Variants in BTBD9 observed in about 807,000 individuals in gnomAD.
BTBD9 encodes BTB/POZ domain-containing protein 9.
BTBD9 carries 49 observed loss-of-function variants against 64.3 expected under a neutral mutation model. The observed-to-expected ratio is 0.76, with a 90% confidence interval of 0.61 to 0.97. The LOEUF is 0.97. BTBD9 is among the 50% of genes least tolerant of loss of function. The pLI is 0.00. For synonymous variants in BTBD9, 260 were observed against 274.7 expected (o/e 0.95, Z 0.53); for missense variants, 598 against 762.1 (o/e 0.78, Z 2.53).
At chr6:38,246,859 G>A (rs556105061) in intron 9 of BTBD9, among the ~76,000 whole-genome samples, 2 of 152,216 alleles carry the variant, frequency 1.3e-5, no homozygotes, top group East Asian at 1.9e-4. Context: ...GGATTTATGC[G>A]ACAGTCAAGT....
At chr6:38,302,865 T>C (rs1312816279) in intron 7 of BTBD9, among the ~76,000 whole-genome samples, 2 of 152,154 alleles carry the variant, frequency 1.3e-5, no homozygotes, top group Admixed American at 6.6e-5. Flanking sequence ...AATATATCCC[T>C]GTGGTTTTTA....
intron 6 of BTBD9, among the ~76,000 whole-genome samples, chr6:38,506,452 G>A (rs1452598822): frequency 1.3e-5 from 2 of 152,206 alleles, no homozygotes; most frequent in Non-Finnish European, 2.9e-5. Flanking sequence ...TCCCGTGCTG[G>A]CTGAGCTGCA....
At chr6:38,542,515 A>G (rs1774324615) in intron 6 of BTBD9, among the ~76,000 whole-genome samples, 1 of 152,122 alleles carries the variant, frequency 6.6e-6, no homozygotes, top group African/African-American at 2.4e-5. Flanking sequence ...CATCACACTA[A>G]TACAGAGATT....
At chr6:38,518,800 T>A (rs972024337) in intron 6 of BTBD9, among the ~76,000 whole-genome samples, 1 of 152,246 alleles carries the variant, frequency 6.6e-6, no homozygotes, top group Non-Finnish European at 1.5e-5. Context: ...TGGAGAGGCA[T>A]GTGAATGGCT....
chr6:38,406,882 C>T (rs977513985), intron 6 of BTBD9, among the ~76,000 whole-genome samples: 1 of 152,122 alleles, frequency 6.6e-6, no homozygotes, highest in African/African-American at 2.4e-5. Context: ...GGACTATAAG[C>T]GAGTGCCACT....
chr6:38,469,762 A>G (rs9394501), intron 6 of BTBD9, among the ~76,000 whole-genome samples: 26,091 of 152,094 alleles, frequency 0.17, 2,782 homozygotes, highest in East Asian at 0.38. Context: ...AATATCACTT[A>G]ATTTTCACCT....
chr6:38,434,625 CAT>C (rs1306214587), intron 6 of BTBD9, among the ~76,000 whole-genome samples: 2 of 151,948 alleles, frequency 1.3e-5, no homozygotes, highest in African/African-American at 4.9e-5. Flanking sequence ...CAAGGTCACT[CAT>C]ATTTGGCTCA....
intron 8 of BTBD9, among the ~76,000 whole-genome samples, chr6:38,277,008 AT>A (rs1295470490): frequency 6.6e-6 from 1 of 152,198 alleles, no homozygotes; most frequent in Non-Finnish European, 1.5e-5. Flanking sequence ...TAAACTGACA[AT>A]TTAGGTAAGA....
At chr6:38,269,184 A>C (rs1390551868) in intron 8 of BTBD9, among the ~76,000 whole-genome samples, 1 of 152,252 alleles carries the variant, frequency 6.6e-6, no homozygotes, top group Non-Finnish European at 1.5e-5. Flanking sequence ...AAAAAAGAGA[A>C]CATTAATGAG....
intron 3 of BTBD9, 67 bp downstream of exon 3, chr6:38,593,897 A>G: frequency 1.5e-6 from 2 of 1,343,576 alleles, no homozygotes; most frequent in Non-Finnish European, 2.1e-6. Flanking sequence ...CCATTGCTAT[A>G]CTTCTACAGT....
intron 6 of BTBD9, among the ~76,000 whole-genome samples, chr6:38,417,801 A>AGAG (rs56268245): frequency 9.2e-4 from 126 of 136,978 alleles, no homozygotes; most frequent in African/African-American, 1.6e-3. Context: ...AGAGAGAGAG[A>AGAG]AAAAAAATAT....
chr6:38,285,815 T>C (rs1761706981), intron 8 of BTBD9, among the ~76,000 whole-genome samples: 3 of 152,180 alleles, frequency 2.0e-5, no homozygotes, highest in Non-Finnish European at 4.4e-5. Context: ...ACACGATTGG[T>C]AATCTTCAAG....
At chr6:38,380,422 A>G (rs748242593) in intron 6 of BTBD9, among the ~76,000 whole-genome samples, 1 of 152,244 alleles carries the variant, frequency 6.6e-6, no homozygotes, top group Non-Finnish European at 1.5e-5. Flanking sequence ...AGATAAAACA[A>G]TAATATTGTC....
chr6:38,221,609 G>C (rs969904513), intron 9 of BTBD9, among the ~76,000 whole-genome samples: 1 of 152,226 alleles, frequency 6.6e-6, no homozygotes, highest in South Asian at 2.1e-4. Flanking sequence ...CAAGCATTAT[G>C]TGGGGTATAG....
chr6:38,228,568 G>T (rs533438734), intron 9 of BTBD9, among the ~76,000 whole-genome samples: 5 of 149,848 alleles, frequency 3.3e-5, no homozygotes, highest in African/African-American at 9.8e-5. Context: ...AACCTAAAAC[G>T]GCTCTTAAAA....
chr6:38,288,668 A>G (rs1761840926), intron 7 of BTBD9, among the ~76,000 whole-genome samples: 1 of 152,256 alleles, frequency 6.6e-6, no homozygotes, highest in Non-Finnish European at 1.5e-5. Flanking sequence ...ATGGTGGCTC[A>G]CACCTGTAAT....
At chr6:38,383,666 T>A (rs146884558) in intron 6 of BTBD9, among the ~76,000 whole-genome samples, 47 of 152,254 alleles carry the variant, frequency 3.1e-4, no homozygotes, top group Admixed American at 1.2e-3. Flanking sequence ...AAGACCAAAG[T>A]AAATGGAGGA....
chr6:38,518,902 A>G (rs948898929), intron 6 of BTBD9, among the ~76,000 whole-genome samples: 1 of 152,220 alleles, frequency 6.6e-6, no homozygotes, highest in Non-Finnish European at 1.5e-5. Context: ...TTTATAAGAC[A>G]TATAAAACAA....
At chr6:38,231,246 T>A (rs1763594980) in intron 9 of BTBD9, among the ~76,000 whole-genome samples, 1 of 152,218 alleles carries the variant, frequency 6.6e-6, no homozygotes. Context: ...TCAAATTGAA[T>A]TACCAGCATT....
Sources: gnomAD v4.1 joint callset for allele counts (sites outside exome capture counted in the v4.1 genomes callset) on GRCh38, gnomAD v4.1.1 for gene constraint, MANE v1.5 for transcripts, NCBI Gene and HGNC (gene_info 2026-07-23, HGNC 2026-07-21) for gene names.